The following LCOR variants were observed in gnomAD, a reference collection of about 807,000 sequenced individuals.
LCOR encodes the protein ligand dependent nuclear receptor corepressor.
A neutral mutation model predicts 64.4 loss-of-function variants in LCOR; 14 were observed. That is an observed-to-expected ratio of 0.22 (90% CI 0.14 to 0.34). LCOR has a LOEUF of 0.34. Ranked by LOEUF, LCOR falls within the 10% of genes least tolerant of loss-of-function variation. The pLI is 1.00. For missense variants in LCOR, 1,686 were observed against 1,765.3 expected, an observed-to-expected ratio of 0.96 and a Z score of 0.80; for synonymous variants, 643 against 642.5, an observed-to-expected ratio of 1.00 and a Z score of -0.01.
intron 2 of LCOR, among the ~76,000 whole-genome samples, chr10:96,906,969 G>T (rs1846740291): frequency 1.3e-5 from 2 of 152,194 alleles, no homozygotes; most frequent in South Asian, 2.1e-4. Flanking sequence ...CTGAGAGTTT[G>T]TACAAAGAGG....
intron 4 of LCOR, 100 bp downstream of exon 4, chr10:96,907,847 G>A (rs899909595): frequency 7.2e-6 from 2 of 278,798 alleles, no homozygotes; most frequent in African/African-American, 2.3e-5. Flanking sequence ...GTAGGAAAAG[G>A]AAGGTATGGT....
chr10:96,897,117 A>AAC (rs1846552838), intron 2 of LCOR, among the ~76,000 whole-genome samples: 3 of 150,834 alleles, frequency 2.0e-5, no homozygotes, highest in Non-Finnish European at 4.4e-5. Context: ...AAAAAAAAAA[A>AAC]CCCAAAAGAA....
intron 4 of LCOR, among the ~76,000 whole-genome samples, chr10:96,933,381 A>G (rs1847295931): frequency 6.6e-6 from 1 of 152,266 alleles, no homozygotes; most frequent in African/African-American, 2.4e-5. Flanking sequence ...ATGAAACTAT[A>G]GATGATTGTG....
At chr10:96,974,541 T>C (rs1235644083) in intron 7 of LCOR, among the ~76,000 whole-genome samples, 1 of 152,212 alleles carries the variant, frequency 6.6e-6, no homozygotes, top group Non-Finnish European at 1.5e-5. Context: ...TGATACAGAC[T>C]ATAATCTGCA....
chr10:96,937,956 A>G (rs1564631484), intron 4 of LCOR, among the ~76,000 whole-genome samples: 2 of 151,940 alleles, frequency 1.3e-5, no homozygotes, highest in African/African-American at 4.8e-5. Flanking sequence ...TTATTTATTT[A>G]TTATTTGAGG....
intron 7 of LCOR, among the ~76,000 whole-genome samples, chr10:96,975,332 TTAG>T (rs1848029420): frequency 6.6e-6 from 1 of 152,118 alleles, no homozygotes; most frequent in Admixed American, 6.5e-5. Context: ...TGGACAAAGG[TTAG>T]TATTCATGTG....
chr10:96,881,774 A>G (rs960400431), intron 2 of LCOR, among the ~76,000 whole-genome samples: 1 of 152,140 alleles, frequency 6.6e-6, no homozygotes, highest in Non-Finnish European at 1.5e-5. Flanking sequence ...TGTTATTTTA[A>G]TTGAGAATAT....
In LCOR at chr10:96,982,029, A is replaced by G. The variant is rs866174122; in HGVS notation, c.1569A>G (p.Leu523=). The G allele has an allele frequency of 1.9e-6, 3 of 1,614,094 alleles. No individual in the cohort carries two copies. The highest frequency in any genetic ancestry group is 3.3e-4 in the Middle Eastern group (2 of 6,062). The change falls in exon 8 of 8, where the codon TTA becomes TTG. Residue 523 remains leucine (L), a synonymous_variant. Transcript: ENST00000421806. ...LPTVRTLARN[L]HSQEKASCSA... The stretch of plus-strand genomic sequence containing the variant: ...CTGTTCGTACACTGGCCAGAAATTT[A>G]CACTCCCAGGAAAAAGCAAGCTGCT...
intron 7 of LCOR, among the ~76,000 whole-genome samples, chr10:96,969,967 T>TTG (rs1554841689): frequency 1.4e-5 from 2 of 145,016 alleles, no homozygotes; most frequent in Non-Finnish European, 3.0e-5. Flanking sequence ...TTTTTTTTTT[T>TTG]TTTTTAGTAG....
At chr10:96,871,496 T>A (rs1439435186) in intron 2 of LCOR, among the ~76,000 whole-genome samples, 1 of 152,072 alleles carries the variant, frequency 6.6e-6, no homozygotes, top group Non-Finnish European at 1.5e-5. Flanking sequence ...CAGTGCAACC[T>A]CTGCTTCCTG....
chr10:96,887,581 A>G (rs1344521663), intron 2 of LCOR, among the ~76,000 whole-genome samples: 7 of 151,728 alleles, frequency 4.6e-5, no homozygotes, highest in Admixed American at 3.9e-4. Context: ...AAAAAATACT[A>G]CTTAATCATG....
At position 96,992,022 on chromosome 10, in the gene LCOR, C is replaced by T. The variant is rs1848205285; in HGVS notation, c.*6888C>T. ...AACCCCAGTTTTCTGTGATCTGCAC[C>T]TCATAGTTGTCTTGTAGCTAAAGCT... On this transcript the variant is annotated 3_prime_UTR_variant, in exon 8 of 8. Coordinates refer to ENST00000421806, the MANE Select transcript of LCOR (RefSeq NM_001346516.2). The T allele has an allele frequency of 6.6e-6, 1 of 152,080 alleles. No homozygotes were observed. The highest frequency in any genetic ancestry group is 1.5e-5 in the Non-Finnish European group (1 of 68,012). The allele number at this position is 152,080 out of a possible 1,614,324, so 9.4% of individuals were successfully genotyped here.
At chr10:96,870,158 G>T (rs1846048351) in intron 2 of LCOR, among the ~76,000 whole-genome samples, 4 of 151,240 alleles carry the variant, frequency 2.6e-5, no homozygotes, top group Admixed American at 2.6e-4. Context: ...GAGTAGCTGG[G>T]ACTACAGGCG....
At chr10:96,920,506 G>GTATATTCATATGTGTATATA (rs1564626122) in intron 4 of LCOR, among the ~76,000 whole-genome samples, 15 of 75,120 alleles carry the variant, frequency 2.0e-4, no homozygotes, top group African/African-American at 3.2e-4. Flanking sequence ...GTGTATATAT[G>GTATATTCATATGTGTATATA]TATGTATATT....
At chr10:96,945,943 A>G (rs1847583134) in intron 5 of LCOR, among the ~76,000 whole-genome samples, 1 of 151,462 alleles carries the variant, frequency 6.6e-6, no homozygotes, top group South Asian at 2.1e-4. Context: ...TTTTTAAGAA[A>G]TTAAACTTTT....
intron 7 of LCOR, among the ~76,000 whole-genome samples, chr10:96,979,308 G>A (rs774628707): frequency 6.1e-4 from 93 of 152,226 alleles, no homozygotes; most frequent in Admixed American, 1.2e-3. Flanking sequence ...TACAGAGAGA[G>A]AGGGAGTTTA....
chr10:96,833,990 T>A (rs1391858320), intron 2 of LCOR, among the ~76,000 whole-genome samples: 1 of 152,216 alleles, frequency 6.6e-6, no homozygotes, highest in Non-Finnish European at 1.5e-5. Context: ...TGTTTGAGCC[T>A]TCTGGCTTGA....
chr10:96,990,162 C>T lies in LCOR; in HGVS notation c.*5028C>T, dbSNP rs1337016717. 6.6e-6 allele frequency: 1 copy of T among 152,070 alleles called. No homozygotes were observed. Among genetic ancestry groups the T allele is most frequent in the Admixed American group, 6.6e-5 (1 of 15,264 alleles). 9.4% of individuals were successfully genotyped at this position (152,070 alleles called of 1,614,324 possible). A position where few individuals can be genotyped will look rare whatever the true frequency, so the allele number is the denominator to read the frequency against. On this transcript the variant is annotated 3_prime_UTR_variant, in exon 8 of 8. Coordinates refer to ENST00000421806, the MANE Select transcript of LCOR (RefSeq NM_001346516.2). ...AAAACGAGCAGAATTGTGGGAGGGC[C>T]TTCCCCTCCCCCTGCCCAGCCCCCA...
intron 2 of LCOR, among the ~76,000 whole-genome samples, chr10:96,897,101 C>CAAAAAAAAAAAAAA (rs370380714): frequency 1.3e-5 from 1 of 78,856 alleles, no homozygotes; most frequent in African/African-American, 4.1e-5. Context: ...GAAAGAAAAG[C>CAAAAAAAAAAAAAA]AAAAAAAAAA....
Sources: allele counts gnomAD v4.1 joint callset (sites outside exome capture counted in the v4.1 genomes callset), GRCh38; gene constraint gnomAD v4.1.1; transcripts MANE v1.5; gene names NCBI Gene and HGNC (gene_info 2026-07-23, HGNC 2026-07-21).